Variants in PIEZO2 observed in about 807,000 individuals in gnomAD.
PIEZO2 encodes piezo type mechanosensitive ion channel component 2, also known as piezo-type mechanosensitive ion channel component 2.
A neutral mutation model predicts 337.3 loss-of-function variants in PIEZO2; 172 were observed. The ratio of observed to expected loss-of-function variants is 0.51; its 90% CI spans 0.45 to 0.58. The LOEUF (loss-of-function observed/expected upper bound fraction) is 0.58, where lower values mean the gene tolerates loss of function less well. Among genes scored for constraint, PIEZO2 ranks in the 20% least tolerant of loss-of-function variants. The pLI is 0.00. For synonymous variants in PIEZO2, 1,251 were observed against 1,228.5 expected (o/e 1.02, Z -0.38); for missense variants, 3,028 against 3,391.3 (o/e 0.89, Z 2.66).
chr18:11,003,158 G>A lies in PIEZO2; in HGVS notation c.161-23498C>T, dbSNP rs1598811828. 1.3e-5 allele frequency among the ~76,000 whole-genome samples: 2 copies of A among 152,248 alleles called. No individual in the cohort carries two copies. The highest frequency in any genetic ancestry group is 3.8e-4 in the East Asian group (2 of 5,198). On this transcript the variant is annotated intron_variant, in intron 2 of 55. Transcript: ENST00000674853. This position sits in a 1 kb window ranked among gnomAD's most constrained non-coding sequence, Gnocchi z 4.6. ...TGGCACTTGGAGTCTGGGTGATGCA[G>A]TGAGGTTCCAGGACGTGTGTGGTAT...
rs1315031407 is a variant in PIEZO2, at chr18:10,984,677, TGATA to T, written c.161-5021_161-5018del. 3.9e-5 allele frequency among the ~76,000 whole-genome samples: 6 copies of T among 152,262 alleles called. No homozygotes were observed. In the East Asian group the frequency reaches 7.7e-4, roughly 20 times the overall value. Reference sequence around the variant, plus strand: ...ATAAAGGGGAAGAAAGCTTTCTTAATGATATAATGACAGAAAACTTTCCAACCCT... The same window carrying T: ...ATAAAGGGGAAGAAAGCTTTCTTAATTAATGACAGAAAACTTTCCAACCCT... On this transcript the variant is annotated intron_variant, in intron 2 of 55. Transcript: ENST00000674853.
intron 42 of PIEZO2, among the ~76,000 whole-genome samples, chr18:10,703,656 T>A (rs2035434439): frequency 6.6e-6 from 1 of 152,136 alleles, no homozygotes; most frequent in Non-Finnish European, 1.5e-5. Context: ...ACCATGGTCG[T>A]CCAGGCACCA....
chr18:10,840,030 T>A (rs761408133), intron 7 of PIEZO2, among the ~76,000 whole-genome samples: 6 of 152,194 alleles, frequency 3.9e-5, no homozygotes, highest in African/African-American at 7.2e-5. Context: ...GAAGTTAATT[T>A]CATGAAATAT....
intron 33 of PIEZO2, chr18:10,739,171 C>G (rs2037122791): frequency 6.6e-6 from 1 of 152,186 alleles, no homozygotes; most frequent in Non-Finnish European, 1.5e-5. Flanking sequence ...ATTCTTCATT[C>G]ACTTGTAAAA....
At position 10,894,596 on chromosome 18, in the gene PIEZO2, A is replaced by C. The variant is rs1316210420; in HGVS notation, c.329+16590T>G. ...GCTCTCTTCCCAAGTGCGGGCAGGC[A>C]GCTGTGCATGTGGGCAGCCCACCCC... is the stretch of plus-strand genomic sequence containing the variant. On this transcript the variant is annotated intron_variant, in intron 4 of 55. Coordinates refer to ENST00000674853, the MANE Select transcript of PIEZO2 (RefSeq NM_001378183.1). This position sits in a 1 kb window ranked among gnomAD's most constrained non-coding sequence, Gnocchi z 4.1. 6.6e-6 allele frequency: 1 copy of C among 152,286 alleles called. No homozygotes were observed. The highest frequency in any genetic ancestry group is 1.5e-5 in the Non-Finnish European group (1 of 68,080). The allele number at this position is 152,286 out of a possible 1,614,324, so 9.4% of individuals were successfully genotyped here.
Position 10,871,234 on chromosome 18 carries a change from G to C in PIEZO2, c.492+19C>G. On this transcript the variant is annotated intron_variant, in intron 5 of 55. Coordinates refer to ENST00000674853, the MANE Select transcript of PIEZO2 (RefSeq NM_001378183.1). ...GTCCTCAGAAATCAAAGAAGGAAGA[G>C]ACATGGAGTTGGATTTACCAATTCT... 6.5e-7 allele frequency: 1 copy of C among 1,532,360 alleles called. No individual in the cohort carries two copies. The highest frequency in any genetic ancestry group is 8.7e-7 in the Non-Finnish European group (1 of 1,143,720). 94.9% of individuals were successfully genotyped at this position (1,532,360 alleles called of 1,614,324 possible).
intron 7 of PIEZO2, among the ~76,000 whole-genome samples, chr18:10,838,145 C>A (rs1032743097): frequency 2.6e-5 from 4 of 152,184 alleles, no homozygotes; most frequent in Non-Finnish European, 1.5e-5. Flanking sequence ...AAGTTTCTCT[C>A]CATTTCTTGT....
rs531269406 is a variant in PIEZO2, at chr18:10,988,084, G to A, written c.161-8424C>T. Among the ~76,000 whole-genome samples, 6 of 152,056 alleles carry A rather than the reference G, an allele frequency of 3.9e-5. No homozygotes were observed. The South Asian group carries it at 1.2e-3, about 31-fold the overall frequency. On this transcript the variant is annotated intron_variant, in intron 2 of 55. Transcript: ENST00000674853. The surrounding 1 kb of genome is among the most constrained non-coding windows in gnomAD (Gnocchi z 4.8). ...TAGTATTAAGAGGTGGAACCTTTAG[G>A]ATGTGATCAAGACATGAGGGTTGAG...
intron 33 of PIEZO2, 112 bp downstream of exon 33, chr18:10,740,919 T>C (rs2037192577): frequency 8.8e-7 from 1 of 1,135,396 alleles, no homozygotes; most frequent in African/African-American, 1.5e-5. Context: ...CCCTATCAAG[T>C]CACAAGGATC....
At chr18:10,970,766 C>T (rs180738710) in intron 3 of PIEZO2, among the ~76,000 whole-genome samples, 3 of 151,586 alleles carry the variant, frequency 2.0e-5, no homozygotes, top group African/African-American at 4.8e-5. Flanking sequence ...TGTTAGAGTA[C>T]TTGATCCATG....
In PIEZO2 at chr18:10,877,115, C is replaced by T. The variant is rs576918191; in HGVS notation, c.330-5700G>A. Among the ~76,000 whole-genome samples the T allele has an allele frequency of 1.1e-4, 17 of 152,314 alleles. No individual in the cohort carries two copies. In the South Asian group the frequency reaches 1.9e-3, roughly 17 times the overall value. On this transcript the variant is annotated intron_variant, in intron 4 of 55. Transcript: ENST00000674853. This position sits in a 1 kb window ranked among gnomAD's most constrained non-coding sequence, Gnocchi z 5.3. ...ATTGTAGCCACCAGACTCTTCTCTA[C>T]GTCCTACTTAATTGTTGATGAGTCC... is the stretch of plus-strand genomic sequence containing the variant.
rs1023382037 is a variant in PIEZO2 at position 10,783,488 on chromosome 18, C to A, written c.2492+1296G>T. On this transcript the variant is annotated intron_variant, in intron 17 of 55. Coordinates refer to ENST00000674853, the MANE Select transcript of PIEZO2 (RefSeq NM_001378183.1). This position sits in a 1 kb window ranked among gnomAD's most constrained non-coding sequence, Gnocchi z 4.3. ...CATCAAGTTTGTCTATGACTGATAT[C>A]TTCTAGGGTTCCCCAAACTTCTAAT... Among the ~76,000 whole-genome samples, 1 of 152,148 alleles carries A rather than the reference C, an allele frequency of 6.6e-6. No individual in the cohort carries two copies. The highest frequency in any genetic ancestry group is 2.4e-5 in the African/African-American group (1 of 41,430).
intron 1 of PIEZO2, among the ~76,000 whole-genome samples, chr18:11,122,934 T>C (rs1029106310): frequency 2.0e-5 from 3 of 150,634 alleles, no homozygotes; most frequent in African/African-American, 7.3e-5. Context: ...GTATATGTTA[T>C]ATATAAGTTA....
At chr18:11,044,428 T>C (rs1455648290) in intron 2 of PIEZO2, among the ~76,000 whole-genome samples, 1 of 152,128 alleles carries the variant, frequency 6.6e-6, no homozygotes, top group Non-Finnish European at 1.5e-5. Context: ...AAGTTTAAAG[T>C]TCCAGGCCTT....
At chr18:11,018,009 T>A (rs1038850409) in intron 2 of PIEZO2, among the ~76,000 whole-genome samples, 3 of 152,028 alleles carry the variant, frequency 2.0e-5, no homozygotes, top group Non-Finnish European at 4.4e-5. Flanking sequence ...AAAACAGAAA[T>A]GTATTGCCTC....
chr18:11,135,167 C>T (rs1423584349), intron 1 of PIEZO2, among the ~76,000 whole-genome samples: 2 of 152,148 alleles, frequency 1.3e-5, no homozygotes, highest in African/African-American at 4.8e-5. Context: ...TTTTCAACCT[C>T]TCTTTGGGCA....
At chr18:10,705,248 A>C in intron 41 of PIEZO2, 88 bp downstream of exon 41, 1 of 1,404,510 alleles carries the variant, frequency 7.1e-7, no homozygotes, top group South Asian at 1.5e-5. Flanking sequence ...TTTTTTCTAT[A>C]TATGAATTTT....
chr18:11,000,011 T>C (rs1393067969), intron 2 of PIEZO2, among the ~76,000 whole-genome samples: 1 of 152,158 alleles, frequency 6.6e-6, no homozygotes, highest in South Asian at 2.1e-4. Context: ...ATCAAACTAA[T>C]ACAAATGAAG....
In PIEZO2 at chr18:11,148,838, G is replaced by A; in HGVS notation, c.-250C>T. On this transcript the variant is annotated 5_prime_UTR_variant, in exon 1 of 56. Transcript: ENST00000674853. The surrounding 1 kb of genome is among the most constrained non-coding windows in gnomAD (Gnocchi z 5.2). Reference sequence around the variant, plus strand: ...TTGGCGGCCACCTAGCCCGGCGCCCGGCCCCCTGCGGCCGGCCCATTTAGT... The same window carrying A: ...TTGGCGGCCACCTAGCCCGGCGCCCAGCCCCCTGCGGCCGGCCCATTTAGT... The A allele has an allele frequency of 2.3e-6, 1 of 430,320 alleles. No homozygotes were observed. Among genetic ancestry groups the A allele is most frequent in the Non-Finnish European group, 4.1e-6 (1 of 245,890 alleles). 26.7% of individuals were successfully genotyped at this position (430,320 alleles called of 1,614,324 possible). A position where few individuals can be genotyped will look rare whatever the true frequency, so the allele number is the denominator to read the frequency against.
Sources: gnomAD v4.1 joint callset for allele counts (sites outside exome capture counted in the v4.1 genomes callset) on GRCh38, gnomAD v4.1.1 for gene constraint, Gnocchi (gnomAD v3.1) non-coding constraint, MANE v1.5 for transcripts, NCBI Gene and HGNC (gene_info 2026-07-23, HGNC 2026-07-21) for gene names.